MED15: variants seen among roughly 807,000 people sequenced by gnomAD.
The protein encoded by MED15 is mediator complex subunit 15, also known as mediator of RNA polymerase II transcription subunit 15.
A neutral mutation model predicts 118.7 loss-of-function variants in MED15; 41 were observed. The ratio of observed to expected loss-of-function variants is 0.35; its 90% confidence interval spans 0.27 to 0.45. The LOEUF is 0.45. Ranked by LOEUF, MED15 falls within the 20% of genes least tolerant of loss-of-function variation. MED15 has a pLI of 1.00. For synonymous variants in MED15, 436 were observed against 413.9 expected, an observed-to-expected ratio of 1.05 and a Z score of -0.65; for missense variants, 740 against 1,025.5, an observed-to-expected ratio of 0.72 and a Z score of 3.80.
intron 17 of MED15, 24 bp from the exon 18 acceptor site, chr22:20,586,543 GT>G: frequency 6.2e-7 from 1 of 1,608,612 alleles, no homozygotes; most frequent in Non-Finnish European, 8.5e-7. Context: ...GCCGCCTTAG[GT>G]TCACGCCCAC....
intron 2 of MED15, among the ~76,000 whole-genome samples, chr22:20,546,491 C>T (rs1337750677): frequency 2.8e-5 from 4 of 143,656 alleles, no homozygotes; most frequent in African/African-American, 7.7e-5. Flanking sequence ...CTCCCACATT[C>T]GTTACATGGA....
chr22:20,542,771 T>C (rs968686236), intron 2 of MED15, among the ~76,000 whole-genome samples: 1 of 152,222 alleles, frequency 6.6e-6, no homozygotes, highest in Non-Finnish European at 1.5e-5. Context: ...GGTAGAACAT[T>C]CTCAAAATCC....
Position 20,585,601 on chromosome 22 carries a change from T to G in MED15, c.2132-127T>G, listed in dbSNP as rs563380314. 238 of 853,636 alleles carry G rather than the reference T, an allele frequency of 2.8e-4. No homozygotes were observed. In the East Asian group the frequency reaches 5.9e-3, roughly 21 times the overall value. 52.9% of individuals were successfully genotyped at this position (853,636 alleles called of 1,614,324 possible). Reference sequence around the variant, plus strand: ...TGGAAATCTGAGAGTCAGAGAGACCTCCTCCAGGCTTTGCCACAAGCTTCA... The same window carrying G: ...TGGAAATCTGAGAGTCAGAGAGACCGCCTCCAGGCTTTGCCACAAGCTTCA... On this transcript the variant is annotated intron_variant, in intron 16 of 17. Transcript: ENST00000263205.
At chr22:20,552,343 G>A (rs1241708416) in intron 3 of MED15, among the ~76,000 whole-genome samples, 2 of 152,206 alleles carry the variant, frequency 1.3e-5, no homozygotes, top group Non-Finnish European at 2.9e-5. Context: ...GTCAAAGGGA[G>A]ACATTGAGCA....
chr22:20,551,329 C>T, intron 2 of MED15, 107 bp from the exon 3 acceptor site: 1 of 1,009,272 alleles, frequency 9.9e-7, no homozygotes, highest in Non-Finnish European at 1.6e-6. Context: ...ATCTGCCTTG[C>T]AGGATGGGCT....
At chr22:20,544,706 C>G (rs893417359) in intron 2 of MED15, among the ~76,000 whole-genome samples, 1 of 151,946 alleles carries the variant, frequency 6.6e-6, no homozygotes. Flanking sequence ...TCACAGTTTT[C>G]AAGGCCAGAT....
At chr22:20,530,172 G>A (rs889921242) in intron 1 of MED15, among the ~76,000 whole-genome samples, 3 of 152,106 alleles carry the variant, frequency 2.0e-5, no homozygotes, top group African/African-American at 7.2e-5. Flanking sequence ...AACACATAGG[G>A]TAAAGGGTCC....
chr22:20,523,924 A>T, intron 1 of MED15: 1 of 844,852 alleles, frequency 1.2e-6, no homozygotes, highest in African/African-American at 1.8e-5. Flanking sequence ...AGAAAGCGTC[A>T]TCAAGCAGCC....
intron 1 of MED15, among the ~76,000 whole-genome samples, chr22:20,521,119 T>C (rs11912433): frequency 0.24 from 27,230 of 111,864 alleles, 4,604 homozygotes; most frequent in African/African-American, 0.45. Context: ...TTTTTTGAGA[T>C]GGAGTCTCAC....
At chr22:20,562,267 A>G (rs2056271881) in intron 5 of MED15, among the ~76,000 whole-genome samples, 1 of 152,238 alleles carries the variant, frequency 6.6e-6, no homozygotes, top group Admixed American at 6.5e-5. Flanking sequence ...ATTTACAGAA[A>G]ATTTGAACAA....
intron 16 of MED15, 21 bp downstream of exon 16, chr22:20,585,288 G>A (rs773287993): frequency 6.2e-7 from 1 of 1,608,904 alleles, no homozygotes; most frequent in Admixed American, 1.7e-5. Context: ...AGAGGGCCGG[G>A]ACTGGTGTGG....
At chr22:20,579,307 C>G (rs1041547561) in intron 9 of MED15, among the ~76,000 whole-genome samples, 1 of 152,194 alleles carries the variant, frequency 6.6e-6, no homozygotes, top group Non-Finnish European at 1.5e-5. Context: ...CCACCACTGA[C>G]ACCTGGGCAC....
chr22:20,508,196 G>A (rs950396614), intron 1 of MED15: 1 of 1,221,004 alleles, frequency 8.2e-7, no homozygotes, highest in Non-Finnish European at 1.1e-6. Flanking sequence ...GATTGGGAAG[G>A]TAGTTGTTTG....
chr22:20,551,323 G>C lies in MED15; in HGVS notation c.157-113G>C, dbSNP rs897774266. The stretch of plus-strand genomic sequence containing the variant: ...GGAGGCCGAGCAAGCGTCTGAATCT[G>C]CCTTGCAGGATGGGCTTCAGCTCGG... On this transcript the variant is annotated intron_variant, in intron 2 of 17. Coordinates refer to ENST00000263205, the MANE Select transcript of MED15 (RefSeq NM_001003891.3). 5 of 955,136 alleles carry C rather than the reference G, an allele frequency of 5.2e-6. No homozygotes were observed. In the African/African-American group the frequency reaches 8.0e-5, roughly 15 times the overall value. The allele number at this position is 955,136 out of a possible 1,614,324, so 59.2% of individuals were successfully genotyped here. A position where few individuals can be genotyped will look rare whatever the true frequency, so the allele number is the denominator to read the frequency against.
intron 9 of MED15, chr22:20,582,348 A>G (rs2057011290): frequency 1.7e-6 from 1 of 572,210 alleles, no homozygotes; most frequent in Non-Finnish European, 3.1e-6. Flanking sequence ...CACAGCCCTC[A>G]AAGCCTGTGC....
At chr22:20,585,695 T>C (rs997221697) in intron 16 of MED15, 33 bp from the exon 17 acceptor site, 1 of 1,601,618 alleles carries the variant, frequency 6.2e-7, no homozygotes, top group Non-Finnish European at 8.5e-7. Context: ...CCGGGGCTTG[T>C]CCAGGTCACA....
chr22:20,576,217 G>T (rs146116594), intron 9 of MED15, among the ~76,000 whole-genome samples: 1 of 152,208 alleles, frequency 6.6e-6, no homozygotes, highest in African/African-American at 2.4e-5. Flanking sequence ...TGGGTTTGTC[G>T]TGAAAACATC....
intron 2 of MED15, among the ~76,000 whole-genome samples, chr22:20,540,586 T>TA (rs998069546): frequency 8.8e-4 from 133 of 151,834 alleles, no homozygotes; most frequent in Non-Finnish European, 2.9e-4. Context: ...AAAAACTTTT[T>TA]AAAAAATTAA....
At chr22:20,565,715 C>T (rs145922848) in intron 6 of MED15, among the ~76,000 whole-genome samples, 1 of 152,252 alleles carries the variant, frequency 6.6e-6, no homozygotes, top group African/African-American at 2.4e-5. Flanking sequence ...TGACCGTCAC[C>T]GTGAGGCTCA....
Sources: allele counts gnomAD v4.1 joint callset (sites outside exome capture counted in the v4.1 genomes callset), GRCh38; gene constraint gnomAD v4.1.1; transcripts MANE v1.5; gene names NCBI Gene and HGNC (gene_info 2026-07-23, HGNC 2026-07-21).